The following EYS variants were observed in gnomAD, a reference collection of about 807,000 sequenced individuals.
EYS encodes the protein protein eyes shut homolog.
Under a neutral mutation model 282.1 loss-of-function variants are expected in EYS, and 250 were observed. The ratio of observed to expected loss-of-function variants is 0.89; its 90% confidence interval spans 0.80 to 0.98. EYS has a LOEUF of 0.98. Among genes scored for constraint, EYS ranks in the 50% least tolerant of loss-of-function variants. The probability of loss-of-function intolerance (pLI) is 0.00; values close to 1 mark genes in which losing one functional copy is unlikely to be tolerated. For synonymous variants in EYS, 1,355 were observed against 1,282.9 expected, an observed-to-expected ratio of 1.06 and a Z score of -1.20; for missense variants, 4,016 against 3,709.0, an observed-to-expected ratio of 1.08 and a Z score of -2.15.
At chr6:64,674,361 G>A (rs1231052748) in intron 22 of EYS, among the ~76,000 whole-genome samples, 1 of 151,452 alleles carries the variant, frequency 6.6e-6, no homozygotes, top group Non-Finnish European at 1.5e-5. Flanking sequence ...GGCAAAGTGT[G>A]TCCATTTTTT....
At chr6:64,861,433 G>A (rs1037490510) in intron 19 of EYS, among the ~76,000 whole-genome samples, 1 of 152,134 alleles carries the variant, frequency 6.6e-6, no homozygotes, top group African/African-American at 2.4e-5. Context: ...TCCCAGTCCC[G>A]AGAGTGCAGA....
At chr6:65,515,183 T>C (rs1239322324) in intron 2 of EYS, among the ~76,000 whole-genome samples, 2 of 151,742 alleles carry the variant, frequency 1.3e-5, no homozygotes, top group Non-Finnish European at 2.9e-5. Flanking sequence ...AAAAAACACA[T>C]GAAAAAATGC....
intron 12 of EYS, among the ~76,000 whole-genome samples, chr6:65,281,090 A>G (rs1768208593): frequency 6.7e-6 from 1 of 150,058 alleles, no homozygotes; most frequent in African/African-American, 2.4e-5. Context: ...TATTGAGGTA[A>G]GTTTTTTTTG....
intron 19 of EYS, among the ~76,000 whole-genome samples, chr6:64,880,017 A>T (rs1192013085): frequency 6.6e-6 from 1 of 151,966 alleles, no homozygotes; most frequent in African/African-American, 2.4e-5. Flanking sequence ...TATACAGGCA[A>T]ATCATACCTT....
intron 22 of EYS, among the ~76,000 whole-genome samples, chr6:64,762,480 G>A (rs1214191331): frequency 6.6e-6 from 1 of 152,178 alleles, no homozygotes; most frequent in Non-Finnish European, 1.5e-5. Flanking sequence ...ACATGAGAGT[G>A]ATGTAACAGG....
intron 14 of EYS, among the ~76,000 whole-genome samples, chr6:64,972,228 A>C (rs548751333): frequency 1.4e-4 from 22 of 152,270 alleles, no homozygotes; most frequent in Middle Eastern, 6.8e-3. Flanking sequence ...CTGGCAGAAG[A>C]GTTCTGATTG....
intron 31 of EYS, among the ~76,000 whole-genome samples, chr6:64,110,396 T>G (rs965005149): frequency 6.6e-6 from 1 of 151,998 alleles, no homozygotes; most frequent in Non-Finnish European, 1.5e-5. Context: ...GGGATGGATA[T>G]ACCATGTTAT....
intron 12 of EYS, among the ~76,000 whole-genome samples, chr6:65,157,491 A>T (rs1418555811): frequency 6.6e-6 from 1 of 150,744 alleles, no homozygotes; most frequent in Admixed American, 6.6e-5. Context: ...CTACTCAGTC[A>T]TAGAAATCAA....
intron 5 of EYS, among the ~76,000 whole-genome samples, chr6:65,476,273 A>T (rs2127249414): frequency 6.6e-6 from 1 of 152,228 alleles, no homozygotes; most frequent in Admixed American, 6.5e-5. Context: ...TTTCAATTAT[A>T]CCCTGCTATC....
chr6:64,225,175 A>T (rs1193972635), intron 31 of EYS, among the ~76,000 whole-genome samples: 1 of 152,014 alleles, frequency 6.6e-6, no homozygotes, highest in African/African-American at 2.4e-5. Context: ...TTCTAAGCTG[A>T]TTTCATTTAC....
intron 22 of EYS, among the ~76,000 whole-genome samples, chr6:64,787,647 C>G (rs1484313187): frequency 6.6e-6 from 1 of 150,618 alleles, no homozygotes. Flanking sequence ...CCTGTTATCT[C>G]TTTCTGAAAT....
At chr6:65,173,784 T>C (rs1240305302) in intron 12 of EYS, among the ~76,000 whole-genome samples, 1 of 151,212 alleles carries the variant, frequency 6.6e-6, no homozygotes, top group Non-Finnish European at 1.5e-5. Context: ...AAAATTGTTA[T>C]AGCACATTCT....
intron 35 of EYS, among the ~76,000 whole-genome samples, chr6:63,942,003 A>C (rs1363963694): frequency 6.6e-6 from 1 of 152,198 alleles, no homozygotes; most frequent in African/African-American, 2.4e-5. Context: ...GAGTACAATG[A>C]GTTAAACACT....
chr6:65,480,974 G>A (rs1302041326), intron 5 of EYS, among the ~76,000 whole-genome samples: 2 of 152,110 alleles, frequency 1.3e-5, no homozygotes, highest in Non-Finnish European at 1.5e-5. Flanking sequence ...GGGAGAAGGA[G>A]GATAGGGACA....
chr6:64,648,991 T>A (rs1305077992), intron 22 of EYS, among the ~76,000 whole-genome samples: 2 of 152,176 alleles, frequency 1.3e-5, no homozygotes, highest in African/African-American at 2.4e-5. Flanking sequence ...GAAAAACTTG[T>A]AGGCACTTGT....
chr6:65,061,520 A>G (rs1395908576), intron 12 of EYS, among the ~76,000 whole-genome samples: 2 of 151,876 alleles, frequency 1.3e-5, no homozygotes, highest in Non-Finnish European at 2.9e-5. Context: ...ATTTGTGACA[A>G]CTGATGAACG....
At chr6:64,279,676 G>A (rs1768236256) in intron 30 of EYS, among the ~76,000 whole-genome samples, 2 of 152,124 alleles carry the variant, frequency 1.3e-5, no homozygotes. Context: ...TTAGGCGGAG[G>A]AATACTAACG....
chr6:64,640,625 C>T (rs535607825), intron 22 of EYS, among the ~76,000 whole-genome samples: 393 of 151,652 alleles, frequency 2.6e-3, no homozygotes, highest in Non-Finnish European at 3.9e-3. Context: ...TGCTAAATGA[C>T]GAGTTAATGG....
chr6:65,389,904 GT>G (rs1765948996), intron 7 of EYS, among the ~76,000 whole-genome samples: 1 of 152,054 alleles, frequency 6.6e-6, no homozygotes, highest in Non-Finnish European at 1.5e-5. Flanking sequence ...GGATGTGTAA[GT>G]ATGTTTTTTA....
Sources: gnomAD v4.1 joint callset for allele counts (sites outside exome capture counted in the v4.1 genomes callset) on GRCh38, gnomAD v4.1.1 for gene constraint, MANE v1.5 for transcripts, NCBI Gene and HGNC (gene_info 2026-07-23, HGNC 2026-07-21) for gene names.